The following HECW1 variants were observed in gnomAD, a reference collection of about 807,000 sequenced individuals.
The protein encoded by HECW1 is HECT, C2 and WW domain containing E3 ubiquitin protein ligase 1.
HECW1 carries 61 observed loss-of-function variants against 182.3 expected under a neutral mutation model. The observed-to-expected ratio is 0.33, with a 90% CI of 0.27 to 0.41. The LOEUF is 0.41. Among genes scored for constraint, HECW1 ranks in the 10% least tolerant of loss-of-function variants. The pLI is 1.00. For missense variants in HECW1, 1,739 were observed against 2,108.9 expected, an observed-to-expected ratio of 0.82 and a Z score of 3.44; for synonymous variants, 859 against 832.6, an observed-to-expected ratio of 1.03 and a Z score of -0.55.
intron 19 of HECW1, among the ~76,000 whole-genome samples, chr7:43,498,833 TA>T (rs1207540234): frequency 6.6e-6 from 1 of 150,906 alleles, no homozygotes; most frequent in African/African-American, 2.4e-5. Context: ...TCCCTTGCCT[TA>T]AAAAAAAAGA....
At chr7:43,269,323 C>G (rs1398435918) in intron 3 of HECW1, among the ~76,000 whole-genome samples, 1 of 152,216 alleles carries the variant, frequency 6.6e-6, no homozygotes, top group Non-Finnish European at 1.5e-5. Context: ...ATATTCTGCT[C>G]TTTTTGTCTG....
chr7:43,491,600 CATG>C (rs1211592988), intron 17 of HECW1, among the ~76,000 whole-genome samples: 1 of 152,060 alleles, frequency 6.6e-6, no homozygotes, highest in Non-Finnish European at 1.5e-5. Context: ...ATGACTTTGA[CATG>C]ATCACTTCTT....
chr7:43,367,458 G>T (rs1190419049), intron 6 of HECW1, among the ~76,000 whole-genome samples: 2 of 152,190 alleles, frequency 1.3e-5, no homozygotes, highest in African/African-American at 2.4e-5. Flanking sequence ...AAGTTATACA[G>T]TACAATATTC....
intron 19 of HECW1, among the ~76,000 whole-genome samples, chr7:43,500,028 T>C (rs556398383): frequency 6.6e-6 from 1 of 152,150 alleles, no homozygotes; most frequent in Admixed American, 6.5e-5. Context: ...AGGCACAAGA[T>C]TTCTCAAGAG....
intron 23 of HECW1, 68 bp downstream of exon 23, chr7:43,508,199 A>G (rs1298727482): frequency 9.9e-7 from 1 of 1,011,428 alleles, no homozygotes; most frequent in Non-Finnish European, 1.5e-6. Flanking sequence ...GTCAGGGGTG[A>G]TTTTTCTCAA....
intron 8 of HECW1, among the ~76,000 whole-genome samples, chr7:43,425,620 CA>C (rs2076340285): frequency 6.6e-6 from 1 of 152,132 alleles, no homozygotes; most frequent in Non-Finnish European, 1.5e-5. Flanking sequence ...ATTCAGCTCA[CA>C]GTTCTGGAAG....
rs1194572686 is a variant in HECW1 at position 43,193,944 on chromosome 7, G to A, written c.-31-49931G>A. ...GCTTTGCAGGGCCATTTCAAAATAT[G>A]TCAAAAAAGATATTTTGGAGTAAAA... On this transcript the variant is annotated intron_variant, in intron 2 of 29. Transcript: ENST00000395891. Among the ~76,000 whole-genome samples, 4 of 152,180 alleles carry A rather than the reference G, an allele frequency of 2.6e-5. No individual in the cohort carries two copies. In the East Asian group the frequency reaches 5.8e-4, roughly 22 times the overall value.
intron 29 of HECW1, among the ~76,000 whole-genome samples, chr7:43,555,107 G>A (rs111534874): frequency 3.3e-5 from 5 of 152,292 alleles, no homozygotes; most frequent in African/African-American, 1.2e-4. Context: ...CAGAGGCAAG[G>A]ACATTAATAT....
intron 2 of HECW1, among the ~76,000 whole-genome samples, chr7:43,124,984 A>G (rs148267539): frequency 1.3e-5 from 2 of 152,284 alleles, no homozygotes; most frequent in African/African-American, 2.4e-5. Context: ...AGACTGAGTG[A>G]CTTATAAACA....
chr7:43,390,206 C>A (rs2074967478), intron 6 of HECW1, among the ~76,000 whole-genome samples: 1 of 152,052 alleles, frequency 6.6e-6, no homozygotes, highest in South Asian at 2.1e-4. Flanking sequence ...AAAGCAGGAG[C>A]TGTGCAGACT....
chr7:43,351,502 G>A (rs6966529), intron 5 of HECW1, among the ~76,000 whole-genome samples: 19,893 of 151,930 alleles, frequency 0.13, 2,085 homozygotes, highest in African/African-American at 0.29. Context: ...AGGGCTAGAC[G>A]TGTCTGAGCT....
At chr7:43,141,785 A>G (rs1788185411) in intron 2 of HECW1, among the ~76,000 whole-genome samples, 2 of 152,186 alleles carry the variant, frequency 1.3e-5, no homozygotes, top group South Asian at 4.1e-4. Flanking sequence ...GGTGTGAACC[A>G]CCGCACCCGG....
At chr7:43,326,326 G>C (rs1285088081) in intron 5 of HECW1, among the ~76,000 whole-genome samples, 1 of 152,210 alleles carries the variant, frequency 6.6e-6, no homozygotes, top group Non-Finnish European at 1.5e-5. Flanking sequence ...CACACAGGTA[G>C]GGGCTGTCGG....
At chr7:43,448,841 T>C (rs1016342022) in intron 11 of HECW1, among the ~76,000 whole-genome samples, 1 of 152,256 alleles carries the variant, frequency 6.6e-6, no homozygotes, top group Non-Finnish European at 1.5e-5. Flanking sequence ...AGCTGAGGAA[T>C]AGATCTCTTT....
chr7:43,264,099 C>T (rs1193771329), intron 3 of HECW1, among the ~76,000 whole-genome samples: 4 of 152,186 alleles, frequency 2.6e-5, no homozygotes, highest in South Asian at 2.1e-4. Flanking sequence ...GTGGTGAGAA[C>T]ATTTAAAATC....
intron 6 of HECW1, among the ~76,000 whole-genome samples, chr7:43,389,590 T>G (rs2074937139): frequency 6.6e-6 from 1 of 152,178 alleles, no homozygotes; most frequent in South Asian, 2.1e-4. Context: ...GCACAGTGCT[T>G]CTTACACATT....
In HECW1 at chr7:43,159,931, G is replaced by A. The variant is rs138681655; in HGVS notation, c.-32+45540G>A. On this transcript the variant is annotated intron_variant, in intron 2 of 29. Coordinates refer to ENST00000395891, the MANE Select transcript of HECW1 (RefSeq NM_015052.5). ...CCTGACCTCGTGATCTGCCCGCCTC[G>A]GCCTCTCAAAGTGCTGCGATTACAG... Among the ~76,000 whole-genome samples the A allele has an allele frequency of 2.1e-3, 318 of 152,070 alleles. 1 individual carries two copies. The highest frequency in any genetic ancestry group is 7.2e-3 in the African/African-American group (298 of 41,460).
intron 21 of HECW1, among the ~76,000 whole-genome samples, chr7:43,505,491 C>T (rs2079541291): frequency 1.3e-5 from 2 of 152,226 alleles, no homozygotes; most frequent in Admixed American, 6.5e-5. Flanking sequence ...TCCTACTACA[C>T]TTAGCATAAA....
chr7:43,549,675 G>A (rs1482540338), intron 26 of HECW1, among the ~76,000 whole-genome samples: 1 of 152,160 alleles, frequency 6.6e-6, no homozygotes, highest in Non-Finnish European at 1.5e-5. Context: ...AAGTGGCAGC[G>A]CCATTTGCTG....
Sources: allele counts gnomAD v4.1 joint callset (sites outside exome capture counted in the v4.1 genomes callset), GRCh38; gene constraint gnomAD v4.1.1; transcripts MANE v1.5; gene names NCBI Gene and HGNC (gene_info 2026-07-23, HGNC 2026-07-21).